Variants in PLAT observed in about 807,000 individuals in gnomAD.
The protein encoded by PLAT is tissue-type plasminogen activator.
Under a neutral mutation model 74.9 loss-of-function variants are expected in PLAT, and 48 were observed. The ratio of observed to expected loss-of-function variants is 0.64; its 90% confidence interval spans 0.51 to 0.82. The LOEUF is 0.82. PLAT is among the 40% of genes least tolerant of loss of function. The pLI is 0.00. For missense variants in PLAT, 673 were observed against 736.2 expected, an observed-to-expected ratio of 0.91 and a Z score of 0.99; for synonymous variants, 307 against 294.4, an observed-to-expected ratio of 1.04 and a Z score of -0.44.
At chr8:42,181,912 GA>G in intron 9 of PLAT, 24 bp downstream of exon 9, 1 of 1,446,474 alleles carries the variant, frequency 6.9e-7, no homozygotes, top group Non-Finnish European at 9.7e-7. Flanking sequence ...CAGGTGCAGG[GA>G]GGCAGCCGGG....
Position 42,190,024 on chromosome 8 carries a change from C to T in PLAT, c.116-953G>A, listed in dbSNP as rs560155927. 8.6e-5 allele frequency among the ~76,000 whole-genome samples: 13 copies of T among 152,040 alleles called. No homozygotes were observed. The South Asian group carries it at 1.2e-3, about 15-fold the overall frequency. ...CTCCCAGGCTCAAGCAGTCCTCCTG[C>T]GTCAACCTCCCAAGTAGCTGGGACT... On this transcript the variant is annotated intron_variant, in intron 3 of 13. Transcript: ENST00000220809.
At chr8:42,183,547 G>C (rs1421393238) in intron 7 of PLAT, among the ~76,000 whole-genome samples, 1 of 152,132 alleles carries the variant, frequency 6.6e-6, no homozygotes, top group Non-Finnish European at 1.5e-5. Context: ...GGCTGGGGTG[G>C]GGGTTATTTC....
chr8:42,196,858 AGAAG>A (rs1176777602), intron 1 of PLAT, among the ~76,000 whole-genome samples: 6 of 151,870 alleles, frequency 4.0e-5, no homozygotes, highest in Non-Finnish European at 5.9e-5. Context: ...GCAAATGAGA[AGAAG>A]GAAGGAAGGG....
intron 1 of PLAT, among the ~76,000 whole-genome samples, chr8:42,204,239 C>T (rs1376499918): frequency 6.6e-6 from 1 of 151,888 alleles, no homozygotes; most frequent in Admixed American, 6.6e-5. Flanking sequence ...TTGTGAGCTG[C>T]TTGACTAGGA....
chr8:42,179,068 A>G lies in PLAT; in HGVS notation c.1364-5T>C, dbSNP rs775294699. The G allele has an allele frequency of 1.2e-6, 2 of 1,605,792 alleles. No individual in the cohort carries two copies. Among genetic ancestry groups the G allele is most frequent in the South Asian group, 1.1e-5 (1 of 90,184 alleles). On this transcript the variant is annotated splice_polypyrimidine_tract_variant and splice_region_variant and intron_variant, in intron 12 of 13. Coordinates refer to ENST00000220809, the MANE Select transcript of PLAT (RefSeq NM_000930.5). ...GCTCCGAATAGAAAGGAGACACTGA[A>G]AGGGGAGAACCATCATATGGTTTTA...
intron 7 of PLAT, 38 bp from the exon 8 acceptor site, chr8:42,182,928 A>C: frequency 1.3e-6 from 2 of 1,550,198 alleles, no homozygotes; most frequent in Non-Finnish European, 1.8e-6. Flanking sequence ...ACAAAAACAA[A>C]TTCTGAAGCA....
At chr8:42,191,466 A>G (rs371867172) in intron 2 of PLAT, 52 bp from the exon 3 acceptor site, 9 of 1,581,826 alleles carry the variant, frequency 5.7e-6, no homozygotes, top group East Asian at 4.5e-5. Context: ...AGGTGTACTA[A>G]GAGTAAAGGC....
intron 1 of PLAT, among the ~76,000 whole-genome samples, chr8:42,201,707 T>G (rs181320829): frequency 2.0e-5 from 3 of 152,202 alleles, no homozygotes; most frequent in African/African-American, 7.2e-5. Context: ...TCCCACACCA[T>G]GCATGCAGAG....
chr8:42,180,624 G>A lies in PLAT; in HGVS notation c.951C>T (p.Ala317=), dbSNP rs1179791480. The part of the protein sequence containing the change: ...PQFRIKGGLF[A]DIASHPWQAA... ...CCTGCCAGGGGTGGGAGGCGATGTC[G>A]GCGAAGAGCCCTCCTTTGATGCGAA... Residue 317 remains alanine (A), a synonymous_variant, in exon 10 of 14, where the codon GCC becomes GCT. Coordinates refer to ENST00000220809, the MANE Select transcript of PLAT (RefSeq NM_000930.5). 1.2e-6 allele frequency: 2 copies of A among 1,611,502 alleles called. No homozygotes were observed.
chr8:42,202,598 G>A (rs939710678), intron 1 of PLAT, among the ~76,000 whole-genome samples: 3 of 150,610 alleles, frequency 2.0e-5, no homozygotes, highest in Non-Finnish European at 4.4e-5. Flanking sequence ...CACCATCAAC[G>A]TGTATGGAGC....
chr8:42,182,558 G>T, intron 8 of PLAT, 161 bp downstream of exon 8: 1 of 574,758 alleles, frequency 1.7e-6, no homozygotes, highest in Non-Finnish European at 3.0e-6. Context: ...TTCACAATAT[G>T]TGTTATTCTA....
chr8:42,182,831 C>T lies in PLAT; in HGVS notation c.691G>A (p.Glu231Lys), dbSNP rs868299367. ...SAYRGTHSLT[E>K]SGASCLPWNS... is the part of the protein sequence containing the mutation. ...CACGGGAGGCAGGAGGCACCCGACT[C>T]GGTGAGGCTGTGCGTGCCACGGTAG... is the stretch of plus-strand genomic sequence containing the variant. Residue 231 changes from glutamate to lysine, a missense_variant, in exon 8 of 14, where the codon GAG becomes AAG. Glu to Lys is a moderately conservative substitution (Grantham distance 56). Coordinates refer to ENST00000220809, the MANE Select transcript of PLAT (RefSeq NM_000930.5). The T allele has an allele frequency of 3.7e-6, 6 of 1,613,700 alleles. No individual in the cohort carries two copies. The highest frequency in any genetic ancestry group is 5.1e-6 in the Non-Finnish European group (6 of 1,179,616).
At chr8:42,202,437 G>A (rs980443736) in intron 1 of PLAT, among the ~76,000 whole-genome samples, 1 of 152,010 alleles carries the variant, frequency 6.6e-6, no homozygotes, top group South Asian at 2.1e-4. Flanking sequence ...CCCACATCAA[G>A]AGTCCCATCT....
At chr8:42,206,100 G>T (rs909648472) in intron 1 of PLAT, among the ~76,000 whole-genome samples, 1 of 152,206 alleles carries the variant, frequency 6.6e-6, no homozygotes, top group Non-Finnish European at 1.5e-5. Context: ...GACACTGGGA[G>T]AATCCGACGC....
intron 1 of PLAT, among the ~76,000 whole-genome samples, chr8:42,203,274 C>T (rs1169535951): frequency 6.6e-6 from 1 of 152,196 alleles, no homozygotes; most frequent in African/African-American, 2.4e-5. Context: ...AAAAACTTCC[C>T]TAAGCCACCA....
intron 1 of PLAT, among the ~76,000 whole-genome samples, chr8:42,196,057 A>G (rs1805891672): frequency 6.6e-6 from 1 of 152,184 alleles, no homozygotes; most frequent in Non-Finnish European, 1.5e-5. Flanking sequence ...TTCCAAAAGG[A>G]ATGCAATCCC....
At chr8:42,184,635 T>C (rs1004468225) in intron 7 of PLAT, 2 of 151,974 alleles carry the variant, frequency 1.3e-5, no homozygotes, top group Non-Finnish European at 1.5e-5. Flanking sequence ...GCTGGGTTTA[T>C]AGGCATAAGC....
At chr8:42,188,673 T>C (rs8178742) in intron 4 of PLAT, among the ~76,000 whole-genome samples, 1,546 of 152,320 alleles carry the variant, frequency 0.01, 27 homozygotes, top group African/African-American at 0.036. Context: ...GCCCTGTCAC[T>C]GAGGTTGAAA....
chr8:42,178,620 A>G (rs1004239471), intron 13 of PLAT, among the ~76,000 whole-genome samples: 16 of 152,180 alleles, frequency 1.1e-4, no homozygotes, highest in Non-Finnish European at 2.1e-4. Context: ...TCAATAGTCA[A>G]TCAATTGCCT....
Sources: gnomAD v4.1 joint callset for allele counts (sites outside exome capture counted in the v4.1 genomes callset) on GRCh38, gnomAD v4.1.1 for gene constraint, MANE v1.5 for transcripts, NCBI Gene and HGNC (gene_info 2026-07-23, HGNC 2026-07-21) for gene names.